LRRC4C: variants seen among roughly 807,000 people sequenced by gnomAD.
LRRC4C encodes the protein leucine-rich repeat-containing protein 4C.
A neutral mutation model predicts 33.6 loss-of-function variants in LRRC4C; 5 were observed. The observed-to-expected ratio is 0.15, with a 90% CI of 0.08 to 0.31. The LOEUF is 0.31. LRRC4C is among the 10% of genes least tolerant of loss of function. The pLI, the probability that LRRC4C is intolerant of heterozygous loss-of-function variation, is 1.00. For synonymous variants in LRRC4C, 329 were observed against 302.0 expected, an observed-to-expected ratio of 1.09 and a Z score of -0.93; for missense variants, 560 against 796.7, an observed-to-expected ratio of 0.70 and a Z score of 3.58.
intron 3 of LRRC4C, among the ~76,000 whole-genome samples, chr11:40,636,466 G>A (rs1343648099): frequency 1.3e-5 from 2 of 152,106 alleles, no homozygotes; most frequent in Non-Finnish European, 2.9e-5. Flanking sequence ...ATCTCAGAAA[G>A]TAAAGGAAAA....
At chr11:40,555,860 G>A (rs1192603154) in intron 3 of LRRC4C, among the ~76,000 whole-genome samples, 1 of 152,138 alleles carries the variant, frequency 6.6e-6, no homozygotes, top group Non-Finnish European at 1.5e-5. Flanking sequence ...ATGTAAATCT[G>A]CATGGTAAAC....
chr11:41,034,631 A>G (rs1421492083), intron 1 of LRRC4C, among the ~76,000 whole-genome samples: 1 of 124,236 alleles, frequency 8.0e-6, no homozygotes, highest in East Asian at 2.7e-4. Flanking sequence ...ATATATATAT[A>G]TATATATGAG....
intron 2 of LRRC4C, among the ~76,000 whole-genome samples, chr11:40,776,569 T>C (rs7926145): frequency 0.16 from 24,164 of 152,010 alleles, 2,213 homozygotes; most frequent in East Asian, 0.41. Flanking sequence ...GTGGGATCAG[T>C]TGGAATCTCA....
At chr11:40,825,423 T>A (rs904650019) in intron 2 of LRRC4C, among the ~76,000 whole-genome samples, 5 of 151,886 alleles carry the variant, frequency 3.3e-5, no homozygotes, top group African/African-American at 1.2e-4. Flanking sequence ...AGTTCCTCTC[T>A]CCCTGTCAAA....
chr11:40,590,000 A>G (rs1958961577), intron 3 of LRRC4C, among the ~76,000 whole-genome samples: 1 of 151,360 alleles, frequency 6.6e-6, no homozygotes, highest in South Asian at 2.1e-4. Flanking sequence ...CGTTCTCTGT[A>G]TTTCCTGAAT....
intron 3 of LRRC4C, among the ~76,000 whole-genome samples, chr11:40,529,922 A>G (rs1327437447): frequency 6.6e-6 from 1 of 152,116 alleles, no homozygotes. Context: ...AAACCTATGT[A>G]ACAAACCTGC....
intron 3 of LRRC4C, among the ~76,000 whole-genome samples, chr11:40,562,560 G>T (rs1053614234): frequency 3.9e-5 from 6 of 152,048 alleles, no homozygotes; most frequent in Admixed American, 3.9e-4. Context: ...ACACTTGCAC[G>T]AATCACAAAT....
Position 40,882,094 on chromosome 11 carries a change from C to T in LRRC4C, c.-407+51541G>A, listed in dbSNP as rs542121577. 2.0e-5 allele frequency among the ~76,000 whole-genome samples: 3 copies of T among 152,014 alleles called. No homozygotes were observed. The East Asian group carries it at 5.8e-4, about 29-fold the overall frequency. On this transcript the variant is annotated intron_variant, in intron 2 of 6. Transcript: ENST00000528697. ...GCCATCGAGGCATGAAAGCAGCCAT[C>T]GATTATAAATGAGTATTGGGAATGG... is the stretch of plus-strand genomic sequence containing the variant.
chr11:40,920,528 A>G (rs1232224734), intron 2 of LRRC4C, among the ~76,000 whole-genome samples: 1 of 152,170 alleles, frequency 6.6e-6, no homozygotes, highest in Non-Finnish European at 1.5e-5. Context: ...AATAAATATA[A>G]GACATTTTCT....
intron 1 of LRRC4C, among the ~76,000 whole-genome samples, chr11:41,268,892 C>A (rs532071591): frequency 6.6e-6 from 1 of 151,612 alleles, no homozygotes; most frequent in East Asian, 1.9e-4. Flanking sequence ...CAGAAAAAGA[C>A]AAAATACAGC....
At chr11:40,432,011 C>G (rs1283398395) in intron 3 of LRRC4C, among the ~76,000 whole-genome samples, 1 of 152,190 alleles carries the variant, frequency 6.6e-6, no homozygotes, top group Admixed American at 6.5e-5. Flanking sequence ...CTCAACAAGA[C>G]AGAGACTGGT....
intron 3 of LRRC4C, among the ~76,000 whole-genome samples, chr11:40,362,733 C>T (rs1948014995): frequency 6.6e-6 from 1 of 151,984 alleles, no homozygotes; most frequent in Non-Finnish European, 1.5e-5. Flanking sequence ...ATTAACCAAT[C>T]AATCAATAAA....
chr11:41,232,420 A>G (rs1266800940), intron 1 of LRRC4C, among the ~76,000 whole-genome samples: 3 of 152,086 alleles, frequency 2.0e-5, no homozygotes, highest in Non-Finnish European at 4.4e-5. Flanking sequence ...ATCAGACATA[A>G]CAATCAAAAA....
chr11:40,757,802 A>C (rs4372433), intron 2 of LRRC4C, among the ~76,000 whole-genome samples: 3 of 151,860 alleles, frequency 2.0e-5, no homozygotes, highest in Non-Finnish European at 4.4e-5. Context: ...TCCTGTCCCA[A>C]AGGGTAATAG....
intron 3 of LRRC4C, among the ~76,000 whole-genome samples, chr11:40,359,863 G>A (rs7104744): frequency 0.014 from 2,185 of 152,134 alleles, 46 homozygotes; most frequent in African/African-American, 0.049. Flanking sequence ...AGTAGCTTTG[G>A]AATACTCTCT....
At chr11:41,130,113 C>A (rs1165058122) in intron 1 of LRRC4C, among the ~76,000 whole-genome samples, 2 of 151,926 alleles carry the variant, frequency 1.3e-5, no homozygotes, top group Admixed American at 1.3e-4. Context: ...ACTTTCTGTG[C>A]CTCCTTACTG....
chr11:41,290,871 A>G (rs1032121230), intron 1 of LRRC4C, among the ~76,000 whole-genome samples: 2 of 152,154 alleles, frequency 1.3e-5, no homozygotes, highest in African/African-American at 4.8e-5. Flanking sequence ...AAGATGATGG[A>G]GAGACCCTGA....
intron 1 of LRRC4C, among the ~76,000 whole-genome samples, chr11:41,131,688 G>T (rs1404544806): frequency 6.6e-6 from 1 of 152,026 alleles, no homozygotes; most frequent in Non-Finnish European, 1.5e-5. Context: ...TAGAAGGTTG[G>T]CACAAGACAA....
intron 3 of LRRC4C, among the ~76,000 whole-genome samples, chr11:40,555,614 C>T (rs1468308304): frequency 1.3e-5 from 2 of 152,200 alleles, no homozygotes; most frequent in Non-Finnish European, 2.9e-5. Context: ...AGCCTTTTGG[C>T]TTCCCTGGGC....
Sources: gnomAD v4.1 joint callset for allele counts (sites outside exome capture counted in the v4.1 genomes callset) on GRCh38, gnomAD v4.1.1 for gene constraint, MANE v1.5 for transcripts, NCBI Gene and HGNC (gene_info 2026-07-23, HGNC 2026-07-21) for gene names.